Variants in PPAT observed in about 807,000 individuals in gnomAD.
PPAT encodes the protein amidophosphoribosyltransferase.
A neutral mutation model predicts 60.2 loss-of-function variants in PPAT; 20 were observed. The ratio of observed to expected loss-of-function variants is 0.33; its 90% CI spans 0.23 to 0.48. The LOEUF (loss-of-function observed/expected upper bound fraction) is 0.48, where lower values mean the gene tolerates loss of function less well. Among genes scored for constraint, PPAT ranks in the 20% least tolerant of loss-of-function variants. PPAT has a pLI of 0.99. For synonymous variants in PPAT, 194 were observed against 215.1 expected (o/e 0.90, Z 0.86); for missense variants, 349 against 629.6 (o/e 0.55, Z 4.77).
Position 56,393,661 on chromosome 4 carries a change from CA to C in PPAT, c.*1690del, listed in dbSNP as rs1393413334. 2.6e-5 allele frequency: 4 copies of C among 152,582 alleles called. No homozygotes were observed. The highest frequency in any genetic ancestry group is 9.7e-5 in the African/African-American group (4 of 41,436). The allele number at this position is 152,582 out of a possible 1,614,324, so 9.5% of individuals were successfully genotyped here. ...ACAGTATTATTTTCCTTTACAAAAG[CA>C]TCTCAGTAAAACAAAAACTACAGAA... On this transcript the variant is annotated 3_prime_UTR_variant, in exon 11 of 11. Transcript: ENST00000264220.
At chr4:56,404,105 A>G (rs1176536301) in intron 3 of PPAT, 3 of 382,920 alleles carry the variant, frequency 7.8e-6, no homozygotes, top group Non-Finnish European at 1.1e-5. Context: ...CCATGGCTGG[A>G]GGCAATAGGA....
chr4:56,420,072 C>T, intron 1 of PPAT: 11 of 834,826 alleles, frequency 1.3e-5, no homozygotes, highest in Non-Finnish European at 1.6e-5. Context: ...GAAAAATAAT[C>T]TTAACATCAT....
At position 56,396,538 on chromosome 4, in the gene PPAT, T is replaced by TG; in HGVS notation, c.1357+80_1357+81insC. The stretch of plus-strand genomic sequence containing the variant: ...ACTTTTAACAAACACTGAATACTCC[T>TG]TTTTACTAAAGGTGTAAAGACTGTC... On this transcript the variant is annotated intron_variant, in intron 10 of 10. Coordinates refer to ENST00000264220, the MANE Select transcript of PPAT (RefSeq NM_002703.5). This position sits in a 1 kb window ranked among gnomAD's most constrained non-coding sequence, Gnocchi z 4.6. 1 of 1,374,922 alleles carries TG rather than the reference T, an allele frequency of 7.3e-7. No homozygotes were observed. The highest frequency in any genetic ancestry group is 1.3e-5 in the South Asian group (1 of 75,738). 85.2% of individuals were successfully genotyped at this position (1,374,922 alleles called of 1,614,324 possible). A position where few individuals can be genotyped will look rare whatever the true frequency, so the allele number is the denominator to read the frequency against.
chr4:56,407,586 G>A, intron 2 of PPAT, 64 bp downstream of exon 2: 1 of 1,358,128 alleles, frequency 7.4e-7, no homozygotes, highest in South Asian at 1.2e-5. Context: ...CCAAAGTCCT[G>A]GGATTACAGG....
intron 10 of PPAT, 53 bp from the exon 11 acceptor site, chr4:56,395,601 G>C: frequency 7.8e-7 from 1 of 1,284,086 alleles, no homozygotes; most frequent in East Asian, 2.8e-5. Flanking sequence ...TAGAAAGGAA[G>C]AAACGCGTCA....
rs1198601810 is a variant in PPAT, at chr4:56,393,993, AC to A, written c.*1358del. The A allele has an allele frequency of 6.6e-6, 1 of 151,430 alleles. No individual in the cohort carries two copies. The highest frequency in any genetic ancestry group is 6.6e-5 in the Admixed American group (1 of 15,246). 9.4% of individuals were successfully genotyped at this position (151,430 alleles called of 1,614,324 possible). ...ATGCGAGACTATATACCAAAGGAAG[AC>A]AAACAGTTTCAGTTATTAATAAATA... is the stretch of plus-strand genomic sequence containing the variant. On this transcript the variant is annotated 3_prime_UTR_variant, in exon 11 of 11. Transcript: ENST00000264220.
At chr4:56,408,037 T>G in intron 1 of PPAT, 2 of 228,386 alleles carry the variant, frequency 8.8e-6, no homozygotes, top group Non-Finnish European at 8.8e-6. Flanking sequence ...GAGAGAGATA[T>G]GACTGTGATC....
chr4:56,420,526 A>C (rs977329032), intron 1 of PPAT: 6 of 152,258 alleles, frequency 3.9e-5, no homozygotes, highest in Non-Finnish European at 7.3e-5. Flanking sequence ...ATTATGAAAC[A>C]GATTTAGTAT....
At chr4:56,407,323 C>CTT (rs796876979) in intron 2 of PPAT, among the ~76,000 whole-genome samples, 3 of 144,854 alleles carry the variant, frequency 2.1e-5, no homozygotes, top group Admixed American at 6.9e-5. Context: ...TTTTTTCTTT[C>CTT]TTTTTTTTTT....
At chr4:56,424,046 C>T (rs967797560) in intron 1 of PPAT, among the ~76,000 whole-genome samples, 1 of 152,152 alleles carries the variant, frequency 6.6e-6, no homozygotes, top group Non-Finnish European at 1.5e-5. Flanking sequence ...CATGTAAAAA[C>T]AGAGGTCACT....
At position 56,395,526 on chromosome 4, in the gene PPAT, C is replaced by T. The variant is rs762500968; in HGVS notation, c.1380G>A (p.Leu460=). Residue 460 remains leucine (L), a synonymous_variant, in exon 11 of 11, where the codon CTG becomes CTA. Transcript: ENST00000264220. ...EYLGANSVVY[L]SVEGLVSSVQ... is the part of the protein sequence containing the mutation. ...CAGATGAAACCAGTCCTTCTACTGA[C>T]AGATACACAACACTGTTTGCTCCTA... 1.9e-6 allele frequency: 3 copies of T among 1,592,908 alleles called. No homozygotes were observed. The highest frequency in any genetic ancestry group is 1.1e-5 in the South Asian group (1 of 87,004).
At chr4:56,418,247 G>A (rs1716871138) in intron 1 of PPAT, among the ~76,000 whole-genome samples, 1 of 152,154 alleles carries the variant, frequency 6.6e-6, no homozygotes, top group Admixed American at 6.5e-5. Flanking sequence ...AGGCTGCAAT[G>A]AGCAGTGGTC....
At chr4:56,430,995 T>TA (rs573664673) in intron 1 of PPAT, among the ~76,000 whole-genome samples, 33 of 147,458 alleles carry the variant, frequency 2.2e-4, no homozygotes, top group Non-Finnish European at 3.5e-4. Context: ...AGCTAAGTTC[T>TA]AAAAAAAAAA....
In PPAT at chr4:56,409,903, T is replaced by C. The variant is rs1414402993; in HGVS notation, c.129-2187A>G. On this transcript the variant is annotated intron_variant, in intron 1 of 10. Coordinates refer to ENST00000264220, the MANE Select transcript of PPAT (RefSeq NM_002703.5). The stretch of plus-strand genomic sequence containing the variant: ...TAACGAGAAAAATGACAACATTAAA[T>C]ATGTTGCCAAGTAAAACTCTAAAAA... Among the ~76,000 whole-genome samples the C allele has an allele frequency of 5.9e-5, 9 of 152,310 alleles. No individual in the cohort carries two copies. In the South Asian group the frequency reaches 1.9e-3, roughly 32 times the overall value.
intron 1 of PPAT, chr4:56,431,397 T>TAATG (rs1717578355): frequency 1.0e-6 from 1 of 971,278 alleles, no homozygotes; most frequent in African/African-American, 1.8e-5. Context: ...TTTCCAGTGG[T>TAATG]AATGTTCTGT....
intron 1 of PPAT, among the ~76,000 whole-genome samples, chr4:56,426,490 TTC>T (rs1261868285): frequency 1.3e-5 from 2 of 152,186 alleles, no homozygotes; most frequent in African/African-American, 4.8e-5. Context: ...CTAACCAACT[TTC>T]TGTTTCTAAG....
Position 56,406,650 on chromosome 4 carries a change from A to G in PPAT, c.247T>C (p.Tyr83His). Reference protein sequence around the residue: ...VFTEDNLKKLYVSNLGIGHTR... With the variant: ...VFTEDNLKKLHVSNLGIGHTR... Reference sequence around the variant, plus strand: ...TGTCCAATTCCAAGATTTGAAACATATAATTTTTTCAAATTGTCTTCAGTA... The same window carrying G: ...TGTCCAATTCCAAGATTTGAAACATGTAATTTTTTCAAATTGTCTTCAGTA... The change falls in exon 3 of 11, where the codon TAT (tyrosine) becomes CAT (histidine). Residue 83 changes from tyrosine (Y) to histidine (H), a missense_variant. Physicochemically the swap from Tyr to His is moderately conservative, Grantham distance 83 (BLOSUM62 2). Coordinates refer to ENST00000264220, the MANE Select transcript of PPAT (RefSeq NM_002703.5). The G allele has an allele frequency of 1.9e-6, 3 of 1,613,246 alleles. No individual in the cohort carries two copies. Among genetic ancestry groups the G allele is most frequent in the African/African-American group, 1.3e-5 (1 of 75,026 alleles).
chr4:56,412,064 A>G (rs1030616332), intron 1 of PPAT, among the ~76,000 whole-genome samples: 2 of 152,192 alleles, frequency 1.3e-5, no homozygotes, highest in Non-Finnish European at 1.5e-5. Context: ...AATATTGATT[A>G]ATAAATAAGT....
At chr4:56,415,991 A>G (rs1578126068) in intron 1 of PPAT, among the ~76,000 whole-genome samples, 1 of 150,976 alleles carries the variant, frequency 6.6e-6, no homozygotes, top group Admixed American at 6.6e-5. Context: ...AATTGCTTGA[A>G]CCCGGGAGGC....
Sources: allele counts gnomAD v4.1 joint callset (sites outside exome capture counted in the v4.1 genomes callset), GRCh38; gene constraint gnomAD v4.1.1; non-coding constraint Gnocchi (gnomAD v3.1); transcripts MANE v1.5; gene names NCBI Gene and HGNC (gene_info 2026-07-23, HGNC 2026-07-21).